SANBR: variants seen among roughly 807,000 people sequenced by gnomAD.
SANBR encodes the protein SANT and BTB domain regulator of CSR.
In SANBR, 77 loss-of-function variants were observed where a neutral mutation model predicts 101.8. The ratio of observed to expected loss-of-function variants is 0.76; its 90% CI spans 0.63 to 0.91. The LOEUF is 0.91. Ranked by LOEUF, SANBR falls within the 40% of genes least tolerant of loss-of-function variation. The pLI, the probability that SANBR is intolerant of heterozygous loss-of-function variation, is 0.00. For missense variants in SANBR, 875 were observed against 853.0 expected (o/e 1.03, Z -0.32); for synonymous variants, 279 against 274.7 (o/e 1.02, Z -0.15).
chr2:61,067,828 A>T (rs1681261685), intron 1 of SANBR, among the ~76,000 whole-genome samples: 1 of 152,234 alleles, frequency 6.6e-6, no homozygotes. Context: ...TAGGCAAACA[A>T]GTAGAGATCA....
intron 8 of SANBR, among the ~76,000 whole-genome samples, chr2:61,084,161 C>T (rs960670342): frequency 6.6e-6 from 1 of 152,046 alleles, no homozygotes; most frequent in Non-Finnish European, 1.5e-5. Context: ...GCTGCGTTGC[C>T]CAGCCTGGTC....
downstream of SANBR, among the ~76,000 whole-genome samples, chr2:61,126,120 C>T (rs1214227383): frequency 6.6e-6 from 1 of 152,196 alleles, no homozygotes; most frequent in Non-Finnish European, 1.5e-5. Flanking sequence ...CTTGTGATAT[C>T]TCTTCCCATT....
intron 6 of SANBR, among the ~76,000 whole-genome samples, chr2:61,078,980 A>G (rs1681942135): frequency 6.6e-6 from 1 of 152,112 alleles, no homozygotes; most frequent in East Asian, 1.9e-4. Context: ...CAGAGGCTGC[A>G]GTGAGCCAAA....
At chr2:61,133,019 A>G (rs533689866) in intron 20 of SANBR, among the ~76,000 whole-genome samples, 238 of 152,330 alleles carry the variant, frequency 1.6e-3, no homozygotes, top group African/African-American at 5.5e-3. Context: ...TGGGAGGCCA[A>G]GGCGGGTGGA....
chr2:61,126,324 A>G (rs1376770485), downstream of SANBR, among the ~76,000 whole-genome samples: 1 of 152,068 alleles, frequency 6.6e-6, no homozygotes, highest in Non-Finnish European at 1.5e-5. Flanking sequence ...CTCCACTATC[A>G]CCACCCCCAG....
At position 61,122,311 on chromosome 2, in the gene SANBR, G is replaced by A. The variant is rs1177284; in HGVS notation, c.*149G>A. The A allele has an allele frequency of 0.71, 882,696 of 1,245,972 alleles. 318,801 individuals carry two copies. Among genetic ancestry groups the A allele is most frequent in the African/African-American group, 0.95 (62,285 of 65,880 alleles). The allele number at this position is 1,245,972 out of a possible 1,614,324, so 77.2% of individuals were successfully genotyped here. Reference sequence around the variant, plus strand: ...CATAAATCATAATTCTAAAAGAAATGCATAGTTAGGTTTTATGAAAATCTA... The same window carrying A: ...CATAAATCATAATTCTAAAAGAAATACATAGTTAGGTTTTATGAAAATCTA... On this transcript the variant is annotated 3_prime_UTR_variant, in exon 22 of 22. Coordinates refer to ENST00000402291, the MANE Select transcript of SANBR (RefSeq NM_001129993.3).
intron 16 of SANBR, among the ~76,000 whole-genome samples, chr2:61,111,175 C>G (rs1044513915): frequency 1.3e-5 from 2 of 152,254 alleles, no homozygotes; most frequent in African/African-American, 4.8e-5. Context: ...GGGCGGATCA[C>G]GAGCTCAGAA....
In SANBR at chr2:61,123,754, A is replaced by C. The variant is rs1202690686; in HGVS notation, c.*1592A>C. On this transcript the variant is annotated 3_prime_UTR_variant, in exon 22 of 22. Coordinates refer to ENST00000402291, the MANE Select transcript of SANBR (RefSeq NM_001129993.3). ...CTCCCCTGGGAGGCCTATACCACTG[A>C]ATTAATTTTTACAAACCAGAGTTTA... 1.0e-6 allele frequency: 1 copy of C among 985,430 alleles called. No individual in the cohort carries two copies. The highest frequency in any genetic ancestry group is 1.7e-5 in the African/African-American group (1 of 57,248). The allele number at this position is 985,430 out of a possible 1,614,324, so 61.0% of individuals were successfully genotyped here. A position where few individuals can be genotyped will look rare whatever the true frequency, so the allele number is the denominator to read the frequency against.
At chr2:61,088,293 A>G (rs771514582) in intron 9 of SANBR, 48 bp downstream of exon 9, 4 of 1,568,088 alleles carry the variant, frequency 2.6e-6, no homozygotes, top group Non-Finnish European at 3.5e-6. Context: ...ATGCAGCTAT[A>G]TTCTTTAATT....
chr2:61,081,531 A>C, intron 7 of SANBR, 21 bp downstream of exon 7: 1 of 1,526,606 alleles, frequency 6.6e-7, no homozygotes, highest in Non-Finnish European at 8.7e-7. Flanking sequence ...ACTTAAAAAA[A>C]ATCAAAGTGC....
intron 10 of SANBR, chr2:61,089,047 T>C (rs1682602269): frequency 2.1e-6 from 2 of 970,230 alleles, no homozygotes; most frequent in Non-Finnish European, 2.5e-6. Flanking sequence ...TTCTGGTTAG[T>C]GCCTTTAAAA....
chr2:61,114,210 T>C (rs1683967406), intron 16 of SANBR, among the ~76,000 whole-genome samples: 1 of 152,184 alleles, frequency 6.6e-6, no homozygotes, highest in Non-Finnish European at 1.5e-5. Flanking sequence ...TCTGGGCCGC[T>C]TACAGACTCC....
chr2:61,101,214 G>T (rs1683265633), intron 12 of SANBR, among the ~76,000 whole-genome samples: 1 of 152,086 alleles, frequency 6.6e-6, no homozygotes, highest in Non-Finnish European at 1.5e-5. Context: ...GATTAGCTTT[G>T]CTAGACCCAA....
intron 16 of SANBR, among the ~76,000 whole-genome samples, chr2:61,111,283 C>T (rs1435185802): frequency 2.6e-5 from 4 of 152,068 alleles, no homozygotes; most frequent in Non-Finnish European, 1.5e-5. Context: ...GTCCCAGCTA[C>T]TCGGGAGGCT....
rs1468214134 is a variant in SANBR at position 61,106,548 on chromosome 2, T to A, written c.1512-15T>A. On this transcript the variant is annotated splice_polypyrimidine_tract_variant and intron_variant, in intron 13 of 21. Coordinates refer to ENST00000402291, the MANE Select transcript of SANBR (RefSeq NM_001129993.3). ...AAGTAAACTCTTCTCCGTAAAAATG[T>A]CTTTTTCTTTCAAGTGATGTTGGGG... 3 of 1,515,904 alleles carry A rather than the reference T, an allele frequency of 2.0e-6. No individual in the cohort carries two copies. 93.9% of individuals were successfully genotyped at this position (1,515,904 alleles called of 1,614,324 possible). A position where few individuals can be genotyped will look rare whatever the true frequency, so the allele number is the denominator to read the frequency against.
At chr2:61,082,256 GT>G (rs1398228329) in intron 7 of SANBR, among the ~76,000 whole-genome samples, 2 of 152,152 alleles carry the variant, frequency 1.3e-5, no homozygotes, top group African/African-American at 4.8e-5. Flanking sequence ...GACTAAATGA[GT>G]TTTTGAGTTT....
Position 61,122,473 on chromosome 2 carries a change from ACTGT to A in SANBR, c.*313_*316del. ...ATTTATTTGAAAAAGAAAGGCCTAA[ACTGT>A]CAGGTAGCCAAGTTTTTTTAAGACC... On this transcript the variant is annotated 3_prime_UTR_variant, in exon 22 of 22. Transcript: ENST00000402291. The A allele has an allele frequency of 9.4e-7, 1 of 1,067,544 alleles. No homozygotes were observed. Among genetic ancestry groups the A allele is most frequent in the Non-Finnish European group, 1.1e-6 (1 of 884,162 alleles). The allele number at this position is 1,067,544 out of a possible 1,614,324, so 66.1% of individuals were successfully genotyped here. A position where few individuals can be genotyped will look rare whatever the true frequency, so the allele number is the denominator to read the frequency against.
chr2:61,111,778 G>A (rs1346054277), intron 16 of SANBR, among the ~76,000 whole-genome samples: 1 of 152,168 alleles, frequency 6.6e-6, no homozygotes. Flanking sequence ...ACCTTTCTTA[G>A]GGTTTCATAT....
chr2:61,116,115 G>A (rs1391764775), intron 17 of SANBR, 45 bp downstream of exon 17: 1 of 1,312,410 alleles, frequency 7.6e-7, no homozygotes, highest in Non-Finnish European at 1.1e-6. Context: ...GGAAAAATAA[G>A]CATGTGAGTA....
Sources: allele counts gnomAD v4.1 joint callset (sites outside exome capture counted in the v4.1 genomes callset), GRCh38; gene constraint gnomAD v4.1.1; transcripts MANE v1.5; gene names NCBI Gene and HGNC (gene_info 2026-07-23, HGNC 2026-07-21).